The following PFKFB1 variants were observed in gnomAD, a reference collection of about 807,000 sequenced individuals.
PFKFB1 encodes 6-phosphofructo-2-kinase/fructose-2,6-bisphosphatase 1.
PFKFB1 carries 34 observed loss-of-function variants against 46.4 expected under a neutral mutation model. That is an observed-to-expected ratio of 0.73 (90% CI 0.56 to 0.98). PFKFB1 has a LOEUF of 0.98. PFKFB1 is among the 50% of genes least tolerant of loss of function. The pLI, the probability that PFKFB1 is intolerant of heterozygous loss-of-function variation, is 0.00. For missense variants in PFKFB1, 393 were observed against 376.3 expected (o/e 1.04, Z -0.37); for synonymous variants, 119 against 133.8 (o/e 0.89, Z 0.76).
intron 1 of PFKFB1, among the ~76,000 whole-genome samples, chrX:54,984,011 G>T (rs776112140): frequency 1.8e-5 from 2 of 110,726 alleles, no homozygotes; most frequent in Non-Finnish European, 3.8e-5. Flanking sequence ...TTTTTAATAG[G>T]GTTGTTTTTT....
intron 6 of PFKFB1, among the ~76,000 whole-genome samples, chrX:54,957,008 G>A (rs1298135702): frequency 9.0e-6 from 1 of 111,722 alleles, no homozygotes; most frequent in Non-Finnish European, 1.9e-5. Context: ...GTATTCTCCT[G>A]CCTAAAGCCC....
At chrX:54,946,406 G>C (rs955394048) in intron 9 of PFKFB1, among the ~76,000 whole-genome samples, 1 of 111,783 alleles carries the variant, frequency 8.9e-6, no homozygotes, top group African/African-American at 3.3e-5. Context: ...GCTGGTGGTG[G>C]AAAGTGATGT....
intron 10 of PFKFB1, among the ~76,000 whole-genome samples, chrX:54,938,537 G>A (rs938830987): frequency 9.0e-6 from 1 of 111,243 alleles, no homozygotes; most frequent in Non-Finnish European, 1.9e-5. Flanking sequence ...TCAAAATAAA[G>A]GGATGGAGGA....
chrX:54,993,256 G>A (rs1451374987), intron 1 of PFKFB1, among the ~76,000 whole-genome samples: 1 of 112,469 alleles, frequency 8.9e-6, no homozygotes, highest in Non-Finnish European at 1.9e-5. Flanking sequence ...TTTCCAAAGT[G>A]AGCACCACAC....
chrX:54,968,320 G>A (rs1934534578), intron 1 of PFKFB1, among the ~76,000 whole-genome samples: 1 of 68,790 alleles, frequency 1.5e-5, no homozygotes, highest in African/African-American at 5.6e-5. Context: ...GGGGCCTGTT[G>A]TGGGGTGGGG....
chrX:54,960,947 T>C (rs773815832), intron 2 of PFKFB1, 30 bp from the exon 3 acceptor site: 2 of 1,035,753 alleles, frequency 1.9e-6, no homozygotes, highest in Admixed American at 2.2e-5. Flanking sequence ...GTGAAGAGGT[T>C]GGGAAGATCC....
chrX:54,971,432 T>A (rs199820504), intron 1 of PFKFB1, among the ~76,000 whole-genome samples: 1 of 109,575 alleles, frequency 9.1e-6, no homozygotes, highest in African/African-American at 3.3e-5. Context: ...TCCTGAATGG[T>A]AATGCCTAGG....
At chrX:54,963,169 G>A in intron 2 of PFKFB1, 88 bp downstream of exon 2, 3 of 860,849 alleles carry the variant, frequency 3.5e-6, no homozygotes, top group Non-Finnish European at 5.1e-6. Context: ...GGCATTTCTG[G>A]TATTGAGGAC....
At chrX:54,974,822 A>T (rs977213736) in intron 1 of PFKFB1, among the ~76,000 whole-genome samples, 2 of 112,009 alleles carry the variant, frequency 1.8e-5, no homozygotes, top group Non-Finnish European at 3.8e-5. Flanking sequence ...TCAAAAGAAG[A>T]TATATAAACA....
rs747058179 is a variant in PFKFB1 at position 54,936,969 on chromosome X, T to A, written c.1228+626A>T. On this transcript the variant is annotated intron_variant, in intron 11 of 13. Transcript: ENST00000375006. ...TCATGCCTGAAAGTGATATAACAGT[T>A]TTTTTTTTTTTGCCAGGCCAGCTGC... Among the ~76,000 whole-genome samples the A allele has an allele frequency of 5.5e-5, 6 of 108,762 alleles. No individual in the cohort carries two copies. The East Asian group carries it at 1.7e-3, about 31-fold the overall frequency. 94.4% of individuals were successfully genotyped at this position (108,762 alleles called of 115,157 possible).
rs747940278 is a variant in PFKFB1 at position 54,964,414 on chromosome X, G to A, written c.98-1032C>T. Among the ~76,000 whole-genome samples the A allele has an allele frequency of 1.2e-4, 12 of 103,533 alleles. No homozygotes were observed. The South Asian group carries it at 4.1e-3, about 36-fold the overall frequency. 89.9% of individuals were successfully genotyped at this position (103,533 alleles called of 115,157 possible). A position where few individuals can be genotyped will look rare whatever the true frequency, so the allele number is the denominator to read the frequency against. On this transcript the variant is annotated intron_variant, in intron 1 of 13. Coordinates refer to ENST00000375006, the MANE Select transcript of PFKFB1 (RefSeq NM_002625.4). ...ATCTCCAGGGTGTAGCACAAAGGGC[G>A]AACAAAGCAAGGAATAAAAACAATG... is the stretch of plus-strand genomic sequence containing the variant.
chrX:54,969,413 G>A (rs1934575404), intron 1 of PFKFB1, among the ~76,000 whole-genome samples: 1 of 111,428 alleles, frequency 9.0e-6, no homozygotes, highest in Non-Finnish European at 1.9e-5. Flanking sequence ...CAGCAAGAAG[G>A]CCCTCACCAG....
intron 7 of PFKFB1, 128 bp downstream of exon 7, chrX:54,956,025 G>A: frequency 2.2e-6 from 1 of 456,244 alleles, no homozygotes; most frequent in Non-Finnish European, 3.8e-6. Context: ...AGATCATCAA[G>A]TTCAGTTTCC....
At chrX:54,945,721 CGT>C (rs779266579) in intron 9 of PFKFB1, among the ~76,000 whole-genome samples, 178 bp from the exon 10 acceptor site, 1,396 of 88,439 alleles carry the variant, frequency 0.016, 7 homozygotes, top group Non-Finnish European at 0.019. Context: ...TGTGTGTGTG[CGT>C]GTGTGTGTGT....
chrX:54,964,028 T>C (rs1411403011), intron 1 of PFKFB1, among the ~76,000 whole-genome samples: 1 of 110,506 alleles, frequency 9.0e-6, no homozygotes, highest in Non-Finnish European at 1.9e-5. Flanking sequence ...ACTCTGCCCA[T>C]ACCAATCTAC....
At chrX:54,981,116 T>C (rs1019197088) in intron 1 of PFKFB1, among the ~76,000 whole-genome samples, 1 of 110,724 alleles carries the variant, frequency 9.0e-6, no homozygotes, top group African/African-American at 3.3e-5. Flanking sequence ...GATATGGAAA[T>C]ATAAAATAGA....
At chrX:54,959,987 T>C (rs1934261954) in intron 3 of PFKFB1, 94 bp from the exon 4 acceptor site, 9 of 611,189 alleles carry the variant, frequency 1.5e-5, no homozygotes, top group Admixed American at 2.7e-5. Flanking sequence ...CCATCTCTCA[T>C]GTCTTAGACT....
intron 1 of PFKFB1, among the ~76,000 whole-genome samples, chrX:54,981,479 A>T (rs1216022357): frequency 9.0e-6 from 1 of 111,585 alleles, no homozygotes; most frequent in Non-Finnish European, 1.9e-5. Flanking sequence ...TATACTCAGA[A>T]ATAAGTCTCT....
intron 5 of PFKFB1, 141 bp from the exon 6 acceptor site, chrX:54,958,503 C>T (rs1295200357): frequency 1.1e-5 from 5 of 442,667 alleles, no homozygotes; most frequent in African/African-American, 4.9e-5. Flanking sequence ...AGTGGTACTT[C>T]CAGGCTTCTG....
Sources: gnomAD v4.1 joint callset for allele counts (sites outside exome capture counted in the v4.1 genomes callset) on GRCh38, gnomAD v4.1.1 for gene constraint, MANE v1.5 for transcripts, NCBI Gene and HGNC (gene_info 2026-07-23, HGNC 2026-07-21) for gene names.